WDPCP: variants seen among roughly 807,000 people sequenced by gnomAD.
WDPCP encodes WD repeat-containing and planar cell polarity effector protein fritz homolog.
Under a neutral mutation model 93.1 loss-of-function variants are expected in WDPCP, and 71 were observed. The observed-to-expected ratio is 0.76, with a 90% confidence interval of 0.63 to 0.93. The LOEUF is 0.93. Among genes scored for constraint, WDPCP ranks in the 40% least tolerant of loss-of-function variants. The probability of loss-of-function intolerance (pLI) is 0.00; values close to 1 mark genes in which losing one functional copy is unlikely to be tolerated. For missense variants in WDPCP, 844 were observed against 887.4 expected (o/e 0.95, Z 0.62); for synonymous variants, 315 against 315.0 (o/e 1.00, Z 0.00).
At chr2:63,304,552 C>G (rs1685573656) in intron 13 of WDPCP, among the ~76,000 whole-genome samples, 1 of 152,184 alleles carries the variant, frequency 6.6e-6, no homozygotes, top group African/African-American at 2.4e-5. Flanking sequence ...CCGTGAGGAA[C>G]AGTGCATTTA....
chr2:63,752,945 C>T (rs1246555186), intron 2 of WDPCP, among the ~76,000 whole-genome samples: 5 of 152,028 alleles, frequency 3.3e-5, no homozygotes, highest in East Asian at 1.9e-4. Context: ...CCACCCACCT[C>T]GGCCTCCCAA....
In WDPCP at chr2:63,719,278, CAT is replaced by C. The variant is rs769932919; in HGVS notation, n.309-68442_309-68441del. ...GGGGCTACTTAGAATGAGTTATAGC[CAT>C]AGAGGATGGCAGCCAGAACCCTGGG... is the stretch of plus-strand genomic sequence containing the variant. On this transcript the variant is annotated intron_variant and non_coding_transcript_variant, in intron 2 of 4. Coordinates refer to the WDPCP transcript ENST00000467687. Among the ~76,000 whole-genome samples, 23 of 152,244 alleles carry C rather than the reference CAT, an allele frequency of 1.5e-4. 1 individual carries two copies. In the South Asian group the frequency reaches 2.3e-3, roughly 15 times the overall value.
At chr2:63,224,512 A>C (rs1678111860) in intron 14 of WDPCP, among the ~76,000 whole-genome samples, 1 of 152,078 alleles carries the variant, frequency 6.6e-6, no homozygotes, top group Non-Finnish European at 1.5e-5. Context: ...GTCGATGACT[A>C]GATAAACTGT....
chr2:63,120,385 C>T lies in WDPCP; in HGVS notation c.*1621G>A, dbSNP rs1345081386. Among the ~76,000 whole-genome samples, 1 of 151,840 alleles carries T rather than the reference C, an allele frequency of 6.6e-6. No individual in the cohort carries two copies. The highest frequency in any genetic ancestry group is 1.5e-5 in the Non-Finnish European group (1 of 67,980). On this transcript the variant is annotated 3_prime_UTR_variant, in exon 18 of 18. Coordinates refer to ENST00000272321, the MANE Select transcript of WDPCP (RefSeq NM_015910.7). ...TTTGTCATACCCTCTGGTAGAGGTA[C>T]AGATAAATGGGAAGTAGAAAGAAAA...
chr2:63,334,064 G>A lies in WDPCP; in HGVS notation c.1749-20753C>T, dbSNP rs535042215. Among the ~76,000 whole-genome samples the A allele has an allele frequency of 1.8e-4, 28 of 152,234 alleles. No homozygotes were observed. The South Asian group carries it at 5.6e-3, about 30-fold the overall frequency. On this transcript the variant is annotated intron_variant, in intron 12 of 17. Transcript: ENST00000272321. ...TGAGAAAACAAAAAACACATCCATT[G>A]GAATTCTGGGAGGGGTACCATCAAA...
At chr2:63,260,569 G>C (rs545517704) in intron 13 of WDPCP, among the ~76,000 whole-genome samples, 3 of 152,234 alleles carry the variant, frequency 2.0e-5, no homozygotes, top group African/African-American at 7.2e-5. Flanking sequence ...TTTATTTTTT[G>C]AGACAGAGTC....
intron 2 of WDPCP, among the ~76,000 whole-genome samples, chr2:63,712,143 G>A (rs1033194442): frequency 6.6e-6 from 1 of 152,104 alleles, no homozygotes; most frequent in African/African-American, 2.4e-5. Context: ...TATGAGCTTC[G>A]CACATTTACC....
intron 6 of WDPCP, among the ~76,000 whole-genome samples, chr2:63,473,945 A>C (rs1433141520): frequency 3.9e-5 from 6 of 152,142 alleles, no homozygotes; most frequent in Non-Finnish European, 8.8e-5. Context: ...TTTGAGTGTG[A>C]ATCCTGGTAT....
chr2:63,197,868 G>A (rs1675574492), intron 14 of WDPCP, among the ~76,000 whole-genome samples: 1 of 152,122 alleles, frequency 6.6e-6, no homozygotes, highest in South Asian at 2.1e-4. Context: ...GGCCCACCTG[G>A]ATAATACAGA....
intron 14 of WDPCP, among the ~76,000 whole-genome samples, chr2:63,178,051 T>A (rs1335887638): frequency 6.6e-6 from 1 of 152,192 alleles, no homozygotes; most frequent in Non-Finnish European, 1.5e-5. Flanking sequence ...GAACCATCCT[T>A]ACTTTACATC....
intron 9 of WDPCP, among the ~76,000 whole-genome samples, chr2:63,413,695 G>A (rs1170816610): frequency 6.6e-6 from 1 of 152,172 alleles, no homozygotes. Flanking sequence ...CTACTCAGGA[G>A]GCTGAGGCAG....
chr2:63,816,079 T>C (rs1670929142), intron 1 of WDPCP, among the ~76,000 whole-genome samples: 2 of 152,180 alleles, frequency 1.3e-5, no homozygotes, highest in Admixed American at 1.3e-4. Flanking sequence ...GTCAGATGTA[T>C]ACAGGTTGAA....
chr2:63,528,010 A>G (rs1233803142), intron 1 of WDPCP, among the ~76,000 whole-genome samples: 1 of 152,004 alleles, frequency 6.6e-6, no homozygotes, highest in Non-Finnish European at 1.5e-5. Flanking sequence ...TGGCTGCATA[A>G]ATGTCTTCTT....
intron 6 of WDPCP, among the ~76,000 whole-genome samples, chr2:63,454,518 T>TA (rs1321684445): frequency 6.9e-6 from 1 of 145,746 alleles, no homozygotes; most frequent in Non-Finnish European, 1.5e-5. Context: ...AAAATAAAAA[T>TA]AAAAAAATAA....
chr2:63,490,505 G>A (rs1437901130), intron 2 of WDPCP, among the ~76,000 whole-genome samples: 1 of 152,142 alleles, frequency 6.6e-6, no homozygotes, highest in Non-Finnish European at 1.5e-5. Context: ...ATTTAGTCTA[G>A]ATAGCAGGAA....
chr2:63,219,379 A>G (rs1331207760), intron 14 of WDPCP, among the ~76,000 whole-genome samples: 1 of 152,176 alleles, frequency 6.6e-6, no homozygotes, highest in Non-Finnish European at 1.5e-5. Context: ...TTTGTTGCAC[A>G]GGCATGCCAA....
chr2:63,599,939 G>C (rs1251942823), intron 3 of WDPCP: 1 of 152,234 alleles, frequency 6.6e-6, no homozygotes, highest in African/African-American at 2.4e-5. Context: ...ATCTGAGCTA[G>C]TTTCCTAGGC....
rs1354054730 is a variant in WDPCP, at chr2:63,404,175, G to T, written c.1308C>A (p.Ser436Arg). ...LQFSKLFDAS[S>R]SLVQMQWIAP... The stretch of plus-strand genomic sequence containing the variant: ...CTATCCATTGCATTTGAACAAGACT[G>T]CTGGAGGCATCAAATAATTTACTGA... Residue 436 changes from serine (S) to arginine (R), a missense_variant, in exon 10 of 18, where the codon AGC becomes AGA. Ser to Arg is a moderately radical substitution (Grantham distance 110). Transcript: ENST00000272321. 6.2e-7 allele frequency: 1 copy of T among 1,614,086 alleles called. No homozygotes were observed. The highest frequency in any genetic ancestry group is 8.5e-7 in the Non-Finnish European group (1 of 1,179,998).
At chr2:63,369,312 A>AAGC (rs1191247136) in intron 12 of WDPCP, 17 of 430,274 alleles carry the variant, frequency 4.0e-5, no homozygotes, top group Non-Finnish European at 7.5e-5. Flanking sequence ...AAGAGAGCCA[A>AAGC]GCTTGCTGAC....
Sources: gnomAD v4.1 joint callset for allele counts (sites outside exome capture counted in the v4.1 genomes callset) on GRCh38, gnomAD v4.1.1 for gene constraint, MANE v1.5 for transcripts, NCBI Gene and HGNC (gene_info 2026-07-23, HGNC 2026-07-21) for gene names.